The following SIPA1L1 variants were observed in gnomAD, a reference collection of about 807,000 sequenced individuals.
SIPA1L1 encodes signal induced proliferation associated 1 like 1.
SIPA1L1 carries 26 observed loss-of-function variants against 162.7 expected under a neutral mutation model. That is an observed-to-expected ratio of 0.16 (90% CI 0.12 to 0.22). The LOEUF is 0.22. Among genes scored for constraint, SIPA1L1 ranks in the 10% least tolerant of loss-of-function variants. The pLI is 1.00. For synonymous variants in SIPA1L1, 829 were observed against 837.4 expected (o/e 0.99, Z 0.17); for missense variants, 1,874 against 2,241.0 (o/e 0.84, Z 3.31).
chr14:71,652,638 C>T (rs201620410), intron 8 of SIPA1L1, among the ~76,000 whole-genome samples: 11 of 140,264 alleles, frequency 7.8e-5, no homozygotes, highest in East Asian at 2.3e-4. Context: ...TTTTTTTTTT[C>T]CCCCTAACCT....
In SIPA1L1 at chr14:71,425,473, T is replaced by C. The variant is rs145284003; in HGVS notation, c.-464-87270T>C. Among the ~76,000 whole-genome samples the C allele has an allele frequency of 3.3e-5, 5 of 152,288 alleles. No homozygotes were observed. In the East Asian group the frequency reaches 9.6e-4, roughly 29 times the overall value. On this transcript the variant is annotated intron_variant, in intron 2 of 23. Coordinates refer to ENST00000381232, the MANE Select transcript of SIPA1L1 (RefSeq NM_001386936.1). Reference sequence around the variant, plus strand: ...CCCCTGTGATTTCTCCTTTGATCTATTGGTTAAGAATATGTTGTTCAGTAT... The same window carrying C: ...CCCCTGTGATTTCTCCTTTGATCTACTGGTTAAGAATATGTTGTTCAGTAT...
chr14:71,644,801 A>G (rs974913488), intron 7 of SIPA1L1, among the ~76,000 whole-genome samples: 7 of 152,210 alleles, frequency 4.6e-5, no homozygotes, highest in African/African-American at 1.7e-4. Flanking sequence ...TTCCTGAAGT[A>G]ACAGGCTCCC....
intron 4 of SIPA1L1, among the ~76,000 whole-genome samples, chr14:71,584,185 G>A (rs958678906): frequency 6.6e-6 from 1 of 152,184 alleles, no homozygotes; most frequent in African/African-American, 2.4e-5. Context: ...AAGAGAAAAT[G>A]AAGAAGCACA....
intron 2 of SIPA1L1, among the ~76,000 whole-genome samples, chr14:71,335,267 A>G (rs1318950337): frequency 6.6e-6 from 1 of 152,146 alleles, no homozygotes; most frequent in African/African-American, 2.4e-5. Flanking sequence ...GTGCCACTGC[A>G]CTCTACCCTG....
intron 2 of SIPA1L1, among the ~76,000 whole-genome samples, chr14:71,454,336 C>G (rs1458544092): frequency 6.6e-6 from 1 of 152,152 alleles, no homozygotes; most frequent in East Asian, 1.9e-4. Flanking sequence ...TTAAATTGAA[C>G]AACTCTCTGT....
intron 2 of SIPA1L1, among the ~76,000 whole-genome samples, chr14:71,402,350 ATTTT>A (rs34542279): frequency 6.9e-6 from 1 of 144,284 alleles, no homozygotes. Flanking sequence ...TCTTGGGTAA[ATTTT>A]TTTTTTTTTT....
intron 4 of SIPA1L1, among the ~76,000 whole-genome samples, chr14:71,536,135 AAAAG>A (rs1465491712): frequency 1.3e-5 from 2 of 152,248 alleles, no homozygotes; most frequent in East Asian, 3.9e-4. Flanking sequence ...AAAAAAAAAA[AAAAG>A]AGTCTGGCTT....
At chr14:71,510,087 T>A (rs2051000236) in intron 2 of SIPA1L1, among the ~76,000 whole-genome samples, 1 of 152,098 alleles carries the variant, frequency 6.6e-6, no homozygotes, top group Non-Finnish European at 1.5e-5. Context: ...TATTTAACAG[T>A]TCTTGGCAAC....
chr14:71,360,654 A>C (rs557675280), intron 2 of SIPA1L1, among the ~76,000 whole-genome samples: 9 of 152,224 alleles, frequency 5.9e-5, no homozygotes, highest in Non-Finnish European at 1.0e-4. Flanking sequence ...AAGTATGTGC[A>C]TTATTTTAGT....
intron 17 of SIPA1L1, among the ~76,000 whole-genome samples, chr14:71,722,121 CA>C (rs2083794511): frequency 1.3e-5 from 2 of 152,198 alleles, no homozygotes; most frequent in Admixed American, 6.5e-5. Context: ...GCTGCTGTGC[CA>C]GGGGTGGGGG....
chr14:71,359,299 C>T (rs1347334969), intron 2 of SIPA1L1, among the ~76,000 whole-genome samples: 1 of 152,334 alleles, frequency 6.6e-6, no homozygotes, highest in East Asian at 1.9e-4. Context: ...CACCTTCCGC[C>T]ATGATTGTGT....
intron 10 of SIPA1L1, among the ~76,000 whole-genome samples, chr14:71,666,523 A>T (rs1029157601): frequency 2.0e-5 from 3 of 152,258 alleles, no homozygotes; most frequent in African/African-American, 7.2e-5. Context: ...AAGAGTTGTT[A>T]TTCATTTTAA....
At chr14:71,380,894 A>G (rs2039838287) in intron 2 of SIPA1L1, among the ~76,000 whole-genome samples, 2 of 152,218 alleles carry the variant, frequency 1.3e-5, no homozygotes, top group Admixed American at 6.5e-5. Flanking sequence ...TATGCTGCCC[A>G]TGTAAGCCTC....
At chr14:71,534,679 C>T (rs1441531153) in intron 4 of SIPA1L1, among the ~76,000 whole-genome samples, 2 of 152,130 alleles carry the variant, frequency 1.3e-5, no homozygotes, top group Non-Finnish European at 2.9e-5. Context: ...ACAGTGTGTG[C>T]AGAGAGACCA....
Position 71,641,447 on chromosome 14 carries a change from G to A in SIPA1L1, c.1819-8888G>A, listed in dbSNP as rs185016267. ...AGCCTAAAGAAAAAGTAGAGGCCGG[G>A]CGTGGTGGCTCATGCCTGTAATCCC... On this transcript the variant is annotated intron_variant, in intron 7 of 23. Coordinates refer to ENST00000381232, the MANE Select transcript of SIPA1L1 (RefSeq NM_001386936.1). 3.0e-3 allele frequency among the ~76,000 whole-genome samples: 460 copies of A among 152,314 alleles called. 1 individual carries two copies. The highest frequency in any genetic ancestry group is 5.5e-3 in the Non-Finnish European group (377 of 68,014).
chr14:71,360,244 T>C (rs2037677449), intron 2 of SIPA1L1, among the ~76,000 whole-genome samples: 1 of 152,244 alleles, frequency 6.6e-6, no homozygotes, highest in Non-Finnish European at 1.5e-5. Flanking sequence ...CGTAAGGTAG[T>C]TTATGAATGG....
At chr14:71,663,285 G>A (rs1245297589) in intron 10 of SIPA1L1, among the ~76,000 whole-genome samples, 1 of 151,744 alleles carries the variant, frequency 6.6e-6, no homozygotes, top group Non-Finnish European at 1.5e-5. Context: ...TGGTTTTTTG[G>A]ACTAAGTCTT....
intron 4 of SIPA1L1, among the ~76,000 whole-genome samples, chr14:71,578,949 CAG>C (rs1360705548): frequency 1.3e-5 from 2 of 152,182 alleles, no homozygotes; most frequent in Non-Finnish European, 2.9e-5. Context: ...TGAAGTTTGT[CAG>C]AGAGAGGAAC....
intron 5 of SIPA1L1, among the ~76,000 whole-genome samples, chr14:71,596,519 AT>A (rs1032211566): frequency 6.6e-5 from 10 of 152,118 alleles, no homozygotes; most frequent in East Asian, 5.8e-4. Context: ...GAGTACCTTC[AT>A]TTTTTTTAAA....
Sources: allele counts gnomAD v4.1 joint callset (sites outside exome capture counted in the v4.1 genomes callset), GRCh38; gene constraint gnomAD v4.1.1; transcripts MANE v1.5; gene names NCBI Gene and HGNC (gene_info 2026-07-23, HGNC 2026-07-21).